SMYD3: variants seen among roughly 807,000 people sequenced by gnomAD.
The protein encoded by SMYD3 is histone-lysine N-methyltransferase SMYD3.
A neutral mutation model predicts 57.7 loss-of-function variants in SMYD3; 36 were observed. The observed-to-expected ratio is 0.62, with a 90% CI of 0.48 to 0.82. The LOEUF (loss-of-function observed/expected upper bound fraction) is 0.82. SMYD3 is among the 40% of genes least tolerant of loss of function. The pLI is 0.00. For synonymous variants in SMYD3, 211 were observed against 195.0 expected, an observed-to-expected ratio of 1.08 and a Z score of -0.68; for missense variants, 515 against 538.8, an observed-to-expected ratio of 0.96 and a Z score of 0.44.
intron 5 of SMYD3, among the ~76,000 whole-genome samples, chr1:245,969,431 G>T (rs536657506): frequency 7.9e-4 from 120 of 152,332 alleles, no homozygotes; most frequent in African/African-American, 2.5e-3. Flanking sequence ...ACTAAGCAAA[G>T]CCTCGCTTGT....
chr1:245,764,531 G>A (rs1207933926), intron 10 of SMYD3, among the ~76,000 whole-genome samples: 1 of 152,004 alleles, frequency 6.6e-6, no homozygotes, highest in Non-Finnish European at 1.5e-5. Flanking sequence ...CACAGCCCTG[G>A]AACAGCAGAT....
At chr1:246,394,153 A>G (rs2066617821) in intron 1 of SMYD3, among the ~76,000 whole-genome samples, 1 of 152,240 alleles carries the variant, frequency 6.6e-6, no homozygotes, top group Non-Finnish European at 1.5e-5. Context: ...TTTTCTGATT[A>G]CTCTTATCAA....
intron 5 of SMYD3, among the ~76,000 whole-genome samples, chr1:246,272,206 C>CA (rs1558366830): frequency 6.6e-6 from 1 of 152,162 alleles, no homozygotes; most frequent in African/African-American, 2.4e-5. Context: ...TTTCTATCTA[C>CA]AAGGTCATAT....
rs1384647456 is a variant in SMYD3, at chr1:245,939,446, A to G, written c.532-9509T>C. On this transcript the variant is annotated intron_variant, in intron 5 of 11. Coordinates refer to ENST00000490107, the MANE Select transcript of SMYD3 (RefSeq NM_001167740.2). Reference sequence around the variant, plus strand: ...CGAGACCAGCCTGGCCAATATGGTGAAACCCCATCTCTACTAAAATACAAA... The same window carrying G: ...CGAGACCAGCCTGGCCAATATGGTGGAACCCCATCTCTACTAAAATACAAA... 2.6e-5 allele frequency among the ~76,000 whole-genome samples: 4 copies of G among 152,108 alleles called. No homozygotes were observed. The South Asian group carries it at 8.3e-4, about 32-fold the overall frequency.
At chr1:246,096,393 T>C (rs2060916047) in intron 5 of SMYD3, 1 of 152,238 alleles carries the variant, frequency 6.6e-6, no homozygotes, top group Non-Finnish European at 1.5e-5. Flanking sequence ...GACAGTCTCA[T>C]TACCTACTTG....
intron 5 of SMYD3, among the ~76,000 whole-genome samples, chr1:246,136,838 A>C (rs1295246475): frequency 6.6e-6 from 1 of 152,120 alleles, no homozygotes; most frequent in Non-Finnish European, 1.5e-5. Context: ...GAATTCATCC[A>C]AAAAAGCAGA....
At chr1:246,198,295 T>C (rs914885053) in intron 5 of SMYD3, among the ~76,000 whole-genome samples, 4 of 152,224 alleles carry the variant, frequency 2.6e-5, no homozygotes, top group African/African-American at 4.8e-5. Flanking sequence ...CAAGAACAGA[T>C]GTAACCAGCA....
At chr1:246,067,534 T>C (rs2148371339) in intron 5 of SMYD3, among the ~76,000 whole-genome samples, 1 of 152,300 alleles carries the variant, frequency 6.6e-6, no homozygotes, top group Non-Finnish European at 1.5e-5. Flanking sequence ...CTTGAAAATC[T>C]AAATCTTCAG....
At chr1:246,442,548 CA>C (rs200209841) in intron 1 of SMYD3, among the ~76,000 whole-genome samples, 2 of 143,970 alleles carry the variant, frequency 1.4e-5, no homozygotes, top group African/African-American at 2.6e-5. Context: ...AACCCCTTCT[CA>C]AAAAAAAATA....
intron 8 of SMYD3, among the ~76,000 whole-genome samples, chr1:245,904,723 G>A (rs1326562791): frequency 6.6e-6 from 1 of 152,078 alleles, no homozygotes; most frequent in Non-Finnish European, 1.5e-5. Context: ...AGAGACAGTG[G>A]ACTTAGGGGG....
chr1:246,082,978 C>G (rs537759899), intron 5 of SMYD3, among the ~76,000 whole-genome samples: 1 of 145,708 alleles, frequency 6.9e-6, no homozygotes, highest in Non-Finnish European at 1.5e-5. Context: ...ACAAACACTG[C>G]GGAAGGCTGC....
At chr1:245,836,686 A>G (rs1359664131) in intron 10 of SMYD3, among the ~76,000 whole-genome samples, 1 of 152,224 alleles carries the variant, frequency 6.6e-6, no homozygotes, top group Non-Finnish European at 1.5e-5. Context: ...ATAAGGAAGT[A>G]GAACTCAGAG....
At chr1:246,239,004 G>C (rs1333282910) in intron 5 of SMYD3, among the ~76,000 whole-genome samples, 1 of 151,670 alleles carries the variant, frequency 6.6e-6, no homozygotes, top group African/African-American at 2.4e-5. Flanking sequence ...GTTTTCGGTG[G>C]ATAGTCACGA....
chr1:245,920,079 C>T (rs550469130), intron 7 of SMYD3, among the ~76,000 whole-genome samples: 384 of 152,220 alleles, frequency 2.5e-3, no homozygotes, highest in Non-Finnish European at 3.8e-3. Flanking sequence ...TTTGGGAGGC[C>T]AAGGCGGTAG....
At chr1:246,030,424 G>A (rs1425600700) in intron 5 of SMYD3, among the ~76,000 whole-genome samples, 1 of 152,224 alleles carries the variant, frequency 6.6e-6, no homozygotes, top group African/African-American at 2.4e-5. Context: ...GGAAATGGAA[G>A]AATGGGAGGG....
chr1:246,066,515 T>G (rs2060342686), intron 5 of SMYD3, among the ~76,000 whole-genome samples: 1 of 152,218 alleles, frequency 6.6e-6, no homozygotes, highest in Non-Finnish European at 1.5e-5. Flanking sequence ...AAGTACAGAT[T>G]GAAACTATCT....
intron 10 of SMYD3, among the ~76,000 whole-genome samples, chr1:245,841,238 C>A (rs535343685): frequency 2.6e-5 from 4 of 152,072 alleles, no homozygotes; most frequent in Non-Finnish European, 5.9e-5. Flanking sequence ...GGATTGTTTT[C>A]AAAGTTTTGA....
chr1:246,291,850 C>T (rs2064697644), intron 5 of SMYD3, among the ~76,000 whole-genome samples: 1 of 152,190 alleles, frequency 6.6e-6, no homozygotes, highest in Non-Finnish European at 1.5e-5. Context: ...GCCATTTCTA[C>T]CTCCCATGAC....
At position 245,863,803 on chromosome 1, in the gene SMYD3, G is replaced by A. The variant is rs201425793; in HGVS notation, c.897C>T (p.His299=). 2.2e-5 allele frequency: 35 copies of A among 1,613,496 alleles called. No homozygotes were observed. The highest frequency in any genetic ancestry group is 2.8e-5 in the Non-Finnish European group (33 of 1,179,540). ...SLKKIEELKA[H]WKWEQVLAMC... Reference sequence around the variant, plus strand: ...AATCCACAGGCGAAAGGATACTCCAGTGTGCCTTCAGTTCTTCAATTTTTT... The same window carrying A: ...AATCCACAGGCGAAAGGATACTCCAATGTGCCTTCAGTTCTTCAATTTTTT... Residue 299 remains histidine, a synonymous_variant, in exon 9 of 12, where the codon CAC becomes CAT. Coordinates refer to ENST00000490107, the MANE Select transcript of SMYD3 (RefSeq NM_001167740.2).
Sources: gnomAD v4.1 joint callset for allele counts (sites outside exome capture counted in the v4.1 genomes callset) on GRCh38, gnomAD v4.1.1 for gene constraint, MANE v1.5 for transcripts, NCBI Gene and HGNC (gene_info 2026-07-23, HGNC 2026-07-21) for gene names.